Variants in ACO1 observed in about 807,000 individuals in gnomAD.
ACO1 encodes the protein aconitase 1.
ACO1 carries 78 observed loss-of-function variants against 105.1 expected under a neutral mutation model. The ratio of observed to expected loss-of-function variants is 0.74; its 90% confidence interval spans 0.62 to 0.90. The LOEUF (loss-of-function observed/expected upper bound fraction) is 0.90. Among genes scored for constraint, ACO1 ranks in the 40% least tolerant of loss-of-function variants. ACO1 has a pLI of 0.00. For missense variants in ACO1, 965 were observed against 1,111.1 expected, an observed-to-expected ratio of 0.87 and a Z score of 1.87; for synonymous variants, 364 against 397.4, an observed-to-expected ratio of 0.92 and a Z score of 1.00.
At chr9:32,423,245 G>A in intron 8 of ACO1, 74 bp from the exon 9 acceptor site, 1 of 775,416 alleles carries the variant, frequency 1.3e-6, no homozygotes, top group African/African-American at 1.8e-5. Flanking sequence ...ATTGCTAATG[G>A]AAGTATCAGT....
rs553417147 is a variant in ACO1 at position 32,384,705 on chromosome 9, C to G, written c.-53C>G. The G allele has an allele frequency of 7.2e-6, 3 of 414,116 alleles. No homozygotes were observed. The highest frequency in any genetic ancestry group is 2.3e-4 in the East Asian group (2 of 8,722). 25.7% of individuals were successfully genotyped at this position (414,116 alleles called of 1,614,324 possible). A position where few individuals can be genotyped will look rare whatever the true frequency, so the allele number is the denominator to read the frequency against. On this transcript the variant is annotated 5_prime_UTR_variant, in exon 1 of 21. Coordinates refer to ENST00000309951, the MANE Select transcript of ACO1 (RefSeq NM_002197.3). ...GTCCCGCTGCTTGGGTCAGGTTCGC[C>G]GGTCGCGGGAGCCCCGCCGTGCAGT...
chr9:32,413,936 T>G lies in ACO1; in HGVS notation c.405-4192T>G, dbSNP rs371284931. On this transcript the variant is annotated intron_variant, in intron 4 of 20. Coordinates refer to ENST00000309951, the MANE Select transcript of ACO1 (RefSeq NM_002197.3). ...AGGCTGAGGCAGGGGGATCATGAGGTCAGGAGATCAAGACCATCCTGGCTA... is the reference window on the plus strand; with the variant it reads ...AGGCTGAGGCAGGGGGATCATGAGGGCAGGAGATCAAGACCATCCTGGCTA... Among the ~76,000 whole-genome samples the G allele has an allele frequency of 7.2e-5, 11 of 151,872 alleles. No individual in the cohort carries two copies. The East Asian group carries it at 9.7e-4, about 13-fold the overall frequency.
intron 4 of ACO1, among the ~76,000 whole-genome samples, chr9:32,410,297 G>A (rs949341147): frequency 8.5e-5 from 13 of 152,134 alleles, no homozygotes; most frequent in African/African-American, 2.2e-4. Flanking sequence ...GGTGGCTCAC[G>A]CCTGTAATCC....
intron 4 of ACO1, among the ~76,000 whole-genome samples, chr9:32,415,246 G>T (rs1046858430): frequency 1.1e-4 from 17 of 152,182 alleles, no homozygotes; most frequent in African/African-American, 4.1e-4. Context: ...ATAAGAAAAT[G>T]GGAAGCCATT....
At chr9:32,398,363 A>G (rs1161554284) in intron 1 of ACO1, among the ~76,000 whole-genome samples, 1 of 152,170 alleles carries the variant, frequency 6.6e-6, no homozygotes, top group Admixed American at 6.5e-5. Context: ...AGAGATAAAC[A>G]TCATCACATG....
chr9:32,391,549 T>TTC (rs1318572064), intron 1 of ACO1, among the ~76,000 whole-genome samples: 1 of 152,244 alleles, frequency 6.6e-6, no homozygotes, highest in Non-Finnish European at 1.5e-5. Flanking sequence ...GCTGGTGTGG[T>TTC]TCTCTCTCAT....
intron 12 of ACO1, among the ~76,000 whole-genome samples, chr9:32,428,166 C>A (rs954978302): frequency 6.6e-6 from 1 of 151,744 alleles, no homozygotes; most frequent in Non-Finnish European, 1.5e-5. Context: ...TGCCTGTAGT[C>A]CCAGCTTCTC....
rs369088681 is a variant in ACO1, at chr9:32,390,408, T to G, written c.-23+5673T>G. Reference sequence around the variant, plus strand: ...CTGTAAAGCCTTTCTTGAATCCCACTTGTAGCTGTCTCTTTCCTTTGACTT... The same window carrying G: ...CTGTAAAGCCTTTCTTGAATCCCACGTGTAGCTGTCTCTTTCCTTTGACTT... On this transcript the variant is annotated intron_variant, in intron 1 of 20. Transcript: ENST00000309951. 8.5e-5 allele frequency among the ~76,000 whole-genome samples: 13 copies of G among 152,350 alleles called. No individual in the cohort carries two copies. The East Asian group carries it at 2.3e-3, about 27-fold the overall frequency.
chr9:32,418,965 T>C (rs1821910569), intron 6 of ACO1, 73 bp from the exon 7 acceptor site: 1 of 1,448,642 alleles, frequency 6.9e-7, no homozygotes, highest in East Asian at 2.5e-5. Flanking sequence ...CCTGTTAATG[T>C]CACTAAATTT....
chr9:32,450,181 G>C lies in ACO1; in HGVS notation c.*70G>C. On this transcript the variant is annotated 3_prime_UTR_variant, in exon 21 of 21. Transcript: ENST00000309951. Reference sequence around the variant, plus strand: ...CAGCCAGCGCAGGCCCTGGTGGAGAGGCCTCCCTGGCTGCCTCTGGGAGGG... The same window carrying C: ...CAGCCAGCGCAGGCCCTGGTGGAGACGCCTCCCTGGCTGCCTCTGGGAGGG... 1 of 1,266,106 alleles carries C rather than the reference G, an allele frequency of 7.9e-7. No individual in the cohort carries two copies. The highest frequency in any genetic ancestry group is 1.2e-6 in the Non-Finnish European group (1 of 865,840). The allele number at this position is 1,266,106 out of a possible 1,614,324, so 78.4% of individuals were successfully genotyped here. A position where few individuals can be genotyped will look rare whatever the true frequency, so the allele number is the denominator to read the frequency against.
rs573288669 is a variant in ACO1 at position 32,450,956 on chromosome 9, A to T, written c.*845A>T. ...AACCTTCATATTCTCCCATTTTTACAACTCTATCAGAACTGTACGGGTATA... is the reference window on the plus strand; with the variant it reads ...AACCTTCATATTCTCCCATTTTTACTACTCTATCAGAACTGTACGGGTATA... On this transcript the variant is annotated 3_prime_UTR_variant, in exon 21 of 21. Coordinates refer to ENST00000309951, the MANE Select transcript of ACO1 (RefSeq NM_002197.3). The T allele has an allele frequency of 4.7e-5, 7 of 150,098 alleles. No homozygotes were observed. In the East Asian group the frequency reaches 1.4e-3, roughly 29 times the overall value. The allele number at this position is 150,098 out of a possible 1,614,324, so 9.3% of individuals were successfully genotyped here.
Position 32,388,528 on chromosome 9 carries a change from C to CAA in ACO1, c.-23+3804_-23+3805dup, listed in dbSNP as rs563967613. Among the ~76,000 whole-genome samples, 57 of 142,646 alleles carry CAA rather than the reference C, an allele frequency of 4.0e-4. 1 individual carries two copies. Among genetic ancestry groups the CAA allele is most frequent in the South Asian group, 2.2e-4 (1 of 4,482 alleles). 93.6% of individuals were successfully genotyped at this position (142,646 alleles called of 152,430 possible). ...TGGGCAATAGAGTAAGACCCTGTCTCAAAAAAAAAAAATCCTCGTTATATA... is the reference window on the plus strand; with the variant it reads ...TGGGCAATAGAGTAAGACCCTGTCTCAAAAAAAAAAAAAATCCTCGTTATATA... On this transcript the variant is annotated intron_variant, in intron 1 of 20. Coordinates refer to ENST00000309951, the MANE Select transcript of ACO1 (RefSeq NM_002197.3).
At chr9:32,443,232 G>T (rs1311395502) in intron 19 of ACO1, among the ~76,000 whole-genome samples, 1 of 151,980 alleles carries the variant, frequency 6.6e-6, no homozygotes, top group South Asian at 2.1e-4. Flanking sequence ...TGTCATCCTA[G>T]ATGTATTCAA....
chr9:32,431,946 A>AT, intron 15 of ACO1, 103 bp downstream of exon 15: 1 of 1,305,194 alleles, frequency 7.7e-7, no homozygotes, highest in Non-Finnish European at 1.0e-6. Flanking sequence ...TATAAACTAT[A>AT]TAAAGTAACA....
At chr9:32,417,494 A>G (rs1042631060) in intron 4 of ACO1, among the ~76,000 whole-genome samples, 1 of 152,198 alleles carries the variant, frequency 6.6e-6, no homozygotes, top group African/African-American at 2.4e-5. Context: ...ATGCAGTTTG[A>G]TTTTTAAAAT....
intron 16 of ACO1, 104 bp downstream of exon 16, chr9:32,433,936 T>C: frequency 1.0e-6 from 1 of 962,828 alleles, no homozygotes; most frequent in African/African-American, 1.7e-5. Context: ...CCCATTTTAT[T>C]AAACCCTTTG....
At chr9:32,440,624 C>T (rs548609036) in intron 19 of ACO1, 37 bp downstream of exon 19, 1 of 1,606,994 alleles carries the variant, frequency 6.2e-7, no homozygotes, top group East Asian at 2.2e-5. Flanking sequence ...GGCAGCTCCC[C>T]TCTGAACTGG....
intron 16 of ACO1, 97 bp downstream of exon 16, chr9:32,433,929 AT>A: frequency 2.0e-6 from 2 of 999,838 alleles, no homozygotes; most frequent in East Asian, 2.5e-5. Context: ...TTGACTACCC[AT>A]TTTATTAAAC....
chr9:32,420,203 G>A (rs1025253020), intron 7 of ACO1, among the ~76,000 whole-genome samples: 1 of 152,228 alleles, frequency 6.6e-6, no homozygotes, highest in African/African-American at 2.4e-5. Context: ...GGTGCCTTGT[G>A]TGGAAAAGAT....
Sources: allele counts gnomAD v4.1 joint callset (sites outside exome capture counted in the v4.1 genomes callset), GRCh38; gene constraint gnomAD v4.1.1; transcripts MANE v1.5; gene names NCBI Gene and HGNC (gene_info 2026-07-23, HGNC 2026-07-21).